The following CEP83 variants were observed in gnomAD, a reference collection of about 807,000 sequenced individuals.
CEP83 encodes centrosomal protein of 83 kDa.
CEP83 carries 70 observed loss-of-function variants against 101.9 expected under a neutral mutation model. The ratio of observed to expected loss-of-function variants is 0.69; its 90% CI spans 0.57 to 0.84. The LOEUF (loss-of-function observed/expected upper bound fraction) is 0.84. Ranked by LOEUF, CEP83 falls within the 40% of genes least tolerant of loss-of-function variation. The probability of loss-of-function intolerance (pLI) is 0.00; values close to 1 mark genes in which losing one functional copy is unlikely to be tolerated. For synonymous variants in CEP83, 264 were observed against 267.9 expected (o/e 0.99, Z 0.14); for missense variants, 715 against 787.2 (o/e 0.91, Z 1.10).
chr12:94,358,100 C>A (rs2060568117), intron 11 of CEP83, among the ~76,000 whole-genome samples: 1 of 152,196 alleles, frequency 6.6e-6, no homozygotes. Context: ...ATTCAACCTG[C>A]TCAATTTAAC....
intron 10 of CEP83, 44 bp from the exon 11 acceptor site, chr12:94,367,987 G>A: frequency 6.2e-7 from 1 of 1,605,936 alleles, no homozygotes; most frequent in East Asian, 2.2e-5. Flanking sequence ...CTATAATAAA[G>A]ATGATATGAC....
intron 6 of CEP83, among the ~76,000 whole-genome samples, chr12:94,395,578 C>T (rs957100358): frequency 1.3e-5 from 2 of 152,132 alleles, no homozygotes; most frequent in Non-Finnish European, 2.9e-5. Context: ...AATCCCAACA[C>T]TGTGGGAGGC....
At chr12:94,401,044 C>G (rs994934307) in intron 5 of CEP83, 63 bp from the exon 6 acceptor site, 19 of 872,838 alleles carry the variant, frequency 2.2e-5, no homozygotes, top group African/African-American at 3.5e-5. Context: ...CCAATAGTCA[C>G]TTTTACAAAT....
Position 94,459,807 on chromosome 12 carries a change from G to GGGC in CEP83, c.-408_-406dup, listed in dbSNP as rs372590885. 446 of 154,054 alleles carry GGGC rather than the reference G, an allele frequency of 2.9e-3. 4 individuals are homozygous for GGGC. The East Asian group carries it at 0.035, about 12-fold the overall frequency. The allele number at this position is 154,054 out of a possible 1,614,324, so 9.5% of individuals were successfully genotyped here. On this transcript the variant is annotated 5_prime_UTR_variant, in exon 1 of 17. Coordinates refer to ENST00000397809, the MANE Select transcript of CEP83 (RefSeq NM_016122.3). ...GTGAAGTATCCCGGGAGAGGTCCGA[G>GGGC]GGCGGCGGCGGCGGCGGTGAAAAGC... is the stretch of plus-strand genomic sequence containing the variant.
chr12:94,368,185 A>G lies in CEP83; in HGVS notation c.1065T>C (p.Asn355=). The G allele has an allele frequency of 3.7e-6, 6 of 1,612,184 alleles. No homozygotes were observed. The highest frequency in any genetic ancestry group is 5.1e-6 in the Non-Finnish European group (6 of 1,179,196). ...GTTCAACAGCTGCTTTGAGAATTTC[A>G]TTGTCTGACTGTAATCCTAGTGTTT... ...QSELDGLQSD[N]EILKAAVEHH... Residue 355 remains asparagine (N), a synonymous_variant, in exon 10 of 17, where the codon AAT becomes AAC. Transcript: ENST00000397809.
At chr12:94,346,787 T>C (rs141560915) in intron 11 of CEP83, among the ~76,000 whole-genome samples, 212 of 152,306 alleles carry the variant, frequency 1.4e-3, no homozygotes, top group Admixed American at 2.1e-3. Context: ...CACAGAAGTT[T>C]TCTGTGTTGT....
At chr12:94,284,292 G>A in the CEP83 span, among the ~76,000 whole-genome samples, 3 of 152,108 alleles carry the variant, frequency 2.0e-5, no homozygotes, top group African/African-American at 7.2e-5. Flanking sequence ...AGGCAAGAAG[G>A]TGGTTTTGGG....
intron 11 of CEP83, among the ~76,000 whole-genome samples, chr12:94,354,817 C>A (rs11615923): frequency 1.3e-5 from 2 of 152,060 alleles, no homozygotes; most frequent in Non-Finnish European, 2.9e-5. Context: ...CGAAACCATC[C>A]TGGCCATCAT....
At position 94,429,781 on chromosome 12, in the gene CEP83, C is replaced by T. The variant is rs142053297; in HGVS notation, c.-102+5494G>A. ...AGCACAAGCCAAGCATGAGCTGCCA[C>T]CACCAGGACTAAAATGTGAGTGAAA... On this transcript the variant is annotated intron_variant, in intron 2 of 16. Coordinates refer to ENST00000397809, the MANE Select transcript of CEP83 (RefSeq NM_016122.3). 5.2e-3 allele frequency among the ~76,000 whole-genome samples: 797 copies of T among 152,278 alleles called. 9 individuals carry two copies. Among genetic ancestry groups the T allele is most frequent in the African/African-American group, 0.017 (703 of 41,550 alleles).
intron 7 of CEP83, among the ~76,000 whole-genome samples, chr12:94,377,839 T>C (rs1174741637): frequency 1.3e-5 from 2 of 152,192 alleles, no homozygotes; most frequent in Non-Finnish European, 2.9e-5. Flanking sequence ...GCAACATAAA[T>C]AGTCTCACAA....
intron 11 of CEP83, among the ~76,000 whole-genome samples, chr12:94,364,624 T>C (rs1434857141): frequency 1.3e-5 from 2 of 152,162 alleles, no homozygotes; most frequent in South Asian, 2.1e-4. Flanking sequence ...ACTCTGTCTC[T>C]AAATAAAAAT....
Position 94,459,541 on chromosome 12 carries a change from AAG to A in CEP83, c.-155+14_-155+15del, listed in dbSNP as rs1372221223. On this transcript the variant is annotated intron_variant, in intron 1 of 16. Coordinates refer to ENST00000397809, the MANE Select transcript of CEP83 (RefSeq NM_016122.3). ...ATACAAACAAGACACCGTCCCCAGA[AAG>A]AGAGGTTACATACCAGACGCACGCA... 3 of 152,390 alleles carry A rather than the reference AAG, an allele frequency of 2.0e-5. No homozygotes were observed. Among genetic ancestry groups the A allele is most frequent in the Non-Finnish European group, 4.4e-5 (3 of 68,072 alleles). The allele number at this position is 152,390 out of a possible 1,614,324, so 9.4% of individuals were successfully genotyped here.
chr12:94,308,930 T>C lies in CEP83; in HGVS notation c.2002-13A>G, dbSNP rs758323030. On this transcript the variant is annotated splice_polypyrimidine_tract_variant and intron_variant, in intron 16 of 16. Transcript: ENST00000397809. Reference sequence around the variant, plus strand: ...GATGTTGTTCCTCCTTAAAATGATGTAGAGAAAGCATAGCAAAAGAAACTA... The same window carrying C: ...GATGTTGTTCCTCCTTAAAATGATGCAGAGAAAGCATAGCAAAAGAAACTA... 1 of 1,568,740 alleles carries C rather than the reference T, an allele frequency of 6.4e-7. No individual in the cohort carries two copies. The highest frequency in any genetic ancestry group is 8.8e-7 in the Non-Finnish European group (1 of 1,139,670).
intron 12 of CEP83, 104 bp downstream of exon 12, chr12:94,335,485 T>C: frequency 1.4e-6 from 1 of 697,418 alleles, no homozygotes; most frequent in Non-Finnish European, 2.5e-6. Flanking sequence ...CAATTGTGGT[T>C]AGATTCTAAA....
In CEP83 at chr12:94,366,482, A is replaced by C. The variant is rs528779892; in HGVS notation, c.1343+1312T>G. On this transcript the variant is annotated intron_variant, in intron 11 of 16. Transcript: ENST00000397809. The stretch of plus-strand genomic sequence containing the variant: ...TTTATATTTTAGGACTGAGGAAATA[A>C]GTAAATATGGTAGGAATAATGAATG... 4.6e-5 allele frequency among the ~76,000 whole-genome samples: 7 copies of C among 152,334 alleles called. No homozygotes were observed. The South Asian group carries it at 1.0e-3, about 23-fold the overall frequency.
At chr12:94,333,720 A>C (rs748399272) in intron 12 of CEP83, 81 bp from the exon 13 acceptor site, 5 of 1,390,804 alleles carry the variant, frequency 3.6e-6, no homozygotes, top group Non-Finnish European at 4.9e-6. Context: ...GATACTAAGC[A>C]TCTCCCTTTG....
At chr12:94,331,591 A>C (rs2059225640) in intron 14 of CEP83, 109 bp downstream of exon 14, 1 of 885,760 alleles carries the variant, frequency 1.1e-6, no homozygotes, top group Non-Finnish European at 1.8e-6. Flanking sequence ...GGATGGTCTC[A>C]ATGATCTCCT....
intron 2 of CEP83, among the ~76,000 whole-genome samples, chr12:94,416,573 CAAAAA>C (rs59339712): frequency 2.0e-5 from 3 of 147,962 alleles, no homozygotes; most frequent in Non-Finnish European, 4.5e-5. Flanking sequence ...CACACACACA[CAAAAA>C]AAAAAAAACT....
intron 15 of CEP83, among the ~76,000 whole-genome samples, chr12:94,311,679 A>G (rs904831994): frequency 2.0e-5 from 3 of 152,250 alleles, no homozygotes; most frequent in Non-Finnish European, 4.4e-5. Context: ...TTTTCCTATT[A>G]TAAAAGGTAA....
Sources: allele counts gnomAD v4.1 joint callset (sites outside exome capture counted in the v4.1 genomes callset), GRCh38; gene constraint gnomAD v4.1.1; transcripts MANE v1.5; gene names NCBI Gene and HGNC (gene_info 2026-07-23, HGNC 2026-07-21).